The following GPHN variants were observed in gnomAD, a reference collection of about 807,000 sequenced individuals.
GPHN encodes the protein gephyrin.
GPHN carries 17 observed loss-of-function variants against 95.5 expected under a neutral mutation model. The ratio of observed to expected loss-of-function variants is 0.18; its 90% CI spans 0.12 to 0.27. The LOEUF (loss-of-function observed/expected upper bound fraction) is 0.27, where lower values mean the gene tolerates loss of function less well. Ranked by LOEUF, GPHN falls within the 10% of genes least tolerant of loss-of-function variation. The pLI is 1.00. For missense variants in GPHN, 660 were observed against 978.1 expected (o/e 0.67, Z 4.34); for synonymous variants, 320 against 322.5 (o/e 0.99, Z 0.08).
the GPHN span, among the ~76,000 whole-genome samples, chr14:67,601,662 G>T: frequency 6.6e-6 from 1 of 152,114 alleles, no homozygotes; most frequent in Non-Finnish European, 1.5e-5. Context: ...CAGCACTTTG[G>T]GAGGCTGAGG....
Position 67,175,347 on chromosome 14 carries a change from T to C in GPHN, c.2080-4231T>C, listed in dbSNP as rs189718933. ...TAATAAATAGGGAATCCTTTCCCTG[T>C]TGCTTGTTTTTGTCAGGTTTGTCAA... On this transcript the variant is annotated intron_variant, in intron 21 of 22. Transcript: ENST00000478722. Among the ~76,000 whole-genome samples, 1,497 of 152,332 alleles carry C rather than the reference T, an allele frequency of 9.8e-3. 11 individuals carry two copies. The highest frequency in any genetic ancestry group is 0.017 in the Admixed American group (253 of 15,300).
At chr14:67,034,993 T>C (rs1338784841) in intron 10 of GPHN, among the ~76,000 whole-genome samples, 1 of 152,062 alleles carries the variant, frequency 6.6e-6, no homozygotes, top group Non-Finnish European at 1.5e-5. Flanking sequence ...TGGAATATTC[T>C]GTAGGATAGA....
intron 11 of GPHN, among the ~76,000 whole-genome samples, chr14:67,076,276 A>G (rs1048756778): frequency 1.3e-5 from 2 of 152,054 alleles, no homozygotes; most frequent in African/African-American, 4.8e-5. Flanking sequence ...AGGTATGTAC[A>G]TTGTTATTTT....
chr14:66,893,852 C>G (rs1291219840), intron 5 of GPHN, among the ~76,000 whole-genome samples: 1 of 151,994 alleles, frequency 6.6e-6, no homozygotes, highest in African/African-American at 2.4e-5. Flanking sequence ...TACTGCTCAA[C>G]AAAATAAAAG....
chr14:67,601,217 AG>A, the GPHN span, among the ~76,000 whole-genome samples: 1 of 152,230 alleles, frequency 6.6e-6, no homozygotes, highest in Admixed American at 6.5e-5. Flanking sequence ...ACAGGACTGA[AG>A]GAGCTCTGGA....
intron 6 of GPHN, among the ~76,000 whole-genome samples, chr14:66,917,470 G>T (rs952710127): frequency 1.3e-5 from 2 of 152,060 alleles, no homozygotes; most frequent in Admixed American, 6.6e-5. Context: ...TTCCCTTACT[G>T]CATAACCTAT....
chr14:67,313,700 T>C, the GPHN span, among the ~76,000 whole-genome samples: 3 of 152,198 alleles, frequency 2.0e-5, no homozygotes, highest in African/African-American at 7.2e-5. Flanking sequence ...CTGCACCATG[T>C]AAAGCACTTT....
chr14:67,169,123 A>G (rs778244337), intron 21 of GPHN, 87 bp downstream of exon 21: 75 of 825,100 alleles, frequency 9.1e-5, no homozygotes, highest in Non-Finnish European at 1.5e-4. Context: ...ATAAACATCT[A>G]GAGTTTTCTA....
the GPHN span, chr14:67,333,135 G>T: frequency 1.9e-6 from 1 of 537,012 alleles, no homozygotes. Context: ...TTTGTGCATG[G>T]CATCCTTTAT....
the GPHN span, among the ~76,000 whole-genome samples, chr14:67,547,381 A>C: frequency 6.6e-6 from 1 of 152,362 alleles, no homozygotes; most frequent in Non-Finnish European, 1.5e-5. Flanking sequence ...CCAGTAAGAC[A>C]GGTCCAGCAA....
the GPHN span, among the ~76,000 whole-genome samples, chr14:67,465,588 A>G: frequency 3.3e-5 from 5 of 152,216 alleles, no homozygotes; most frequent in Non-Finnish European, 7.3e-5. Context: ...CCAGATGACC[A>G]CACACTGTGC....
intron 1 of GPHN, among the ~76,000 whole-genome samples, chr14:66,565,973 T>TG (rs543761853): frequency 5.5e-4 from 84 of 151,894 alleles, no homozygotes; most frequent in African/African-American, 2.0e-3. Context: ...AAATTCTTTT[T>TG]TTTTTTTGCT....
At chr14:67,104,181 A>G (rs2077902970) in intron 13 of GPHN, among the ~76,000 whole-genome samples, 1 of 152,176 alleles carries the variant, frequency 6.6e-6, no homozygotes, top group Admixed American at 6.5e-5. Flanking sequence ...ATTGATGGGC[A>G]TATGTTGAGC....
the GPHN span, among the ~76,000 whole-genome samples, chr14:67,637,230 C>T: frequency 3.3e-5 from 5 of 151,476 alleles, no homozygotes; most frequent in Admixed American, 6.6e-5. Flanking sequence ...ACCAACATGG[C>T]GAAACCTCGT....
intron 17 of GPHN, among the ~76,000 whole-genome samples, chr14:67,133,683 C>T (rs1351567076): frequency 2.0e-5 from 3 of 152,146 alleles, no homozygotes; most frequent in Non-Finnish European, 4.4e-5. Context: ...TATATTCTTT[C>T]TTCACAGAAA....
the GPHN span, among the ~76,000 whole-genome samples, chr14:67,314,049 T>G: frequency 6.6e-6 from 1 of 152,220 alleles, no homozygotes; most frequent in African/African-American, 2.4e-5. Flanking sequence ...TGTAATGTTT[T>G]TCTGGCCTTA....
At chr14:66,837,335 A>G (rs1456959185) in intron 4 of GPHN, among the ~76,000 whole-genome samples, 1 of 150,710 alleles carries the variant, frequency 6.6e-6, no homozygotes, top group Non-Finnish European at 1.5e-5. Context: ...TCAGTAAACT[A>G]TCGCAAGAAC....
At chr14:67,047,362 G>GTT (rs374536545) in intron 10 of GPHN, among the ~76,000 whole-genome samples, 89 of 130,778 alleles carry the variant, frequency 6.8e-4, no homozygotes, top group African/African-American at 2.4e-3. Flanking sequence ...GTGTGTGTGT[G>GTT]TTTGTTTTTT....
the GPHN span, chr14:67,383,482 C>T: frequency 2.6e-5 from 42 of 1,607,102 alleles, no homozygotes; most frequent in East Asian, 1.1e-4. Context: ...CACAGAGCAG[C>T]GCTTCCTGGC....
Sources: allele counts gnomAD v4.1 joint callset (sites outside exome capture counted in the v4.1 genomes callset), GRCh38; gene constraint gnomAD v4.1.1; transcripts MANE v1.5; gene names NCBI Gene and HGNC (gene_info 2026-07-23, HGNC 2026-07-21).